ARHGAP15: variants seen among roughly 807,000 people sequenced by gnomAD.
ARHGAP15 encodes rho GTPase-activating protein 15.
ARHGAP15 carries 51 observed loss-of-function variants against 63.7 expected under a neutral mutation model. The ratio of observed to expected loss-of-function variants is 0.80; its 90% CI spans 0.64 to 1.01. The LOEUF (loss-of-function observed/expected upper bound fraction) is 1.01. Ranked by LOEUF, ARHGAP15 falls within the 50% of genes least tolerant of loss-of-function variation. ARHGAP15 has a pLI of 0.00. For synonymous variants in ARHGAP15, 191 were observed against 193.8 expected, an observed-to-expected ratio of 0.99 and a Z score of 0.12; for missense variants, 560 against 564.6, an observed-to-expected ratio of 0.99 and a Z score of 0.08.
rs545087001 is a variant in ARHGAP15 at position 143,291,469 on chromosome 2, G to A, written c.474+40869G>A. Among the ~76,000 whole-genome samples, 11 of 148,812 alleles carry A rather than the reference G, an allele frequency of 7.4e-5. 1 individual carries two copies. In the South Asian group the frequency reaches 2.4e-3, roughly 32 times the overall value. ...TTGTGTGTGTTCTAATGCTTGCTAA[G>A]TGTTATGCCATAAAAGCAAAGCATA... On this transcript the variant is annotated intron_variant, in intron 6 of 13. Transcript: ENST00000295095.
At chr2:143,714,809 T>A (rs1684735830) in intron 13 of ARHGAP15, among the ~76,000 whole-genome samples, 1 of 152,232 alleles carries the variant, frequency 6.6e-6, no homozygotes, top group African/African-American at 2.4e-5. Context: ...CTCATCTCCA[T>A]CTGAGACCAC....
At chr2:143,257,547 T>C (rs923409599) in intron 6 of ARHGAP15, among the ~76,000 whole-genome samples, 1 of 152,104 alleles carries the variant, frequency 6.6e-6, no homozygotes, top group African/African-American at 2.4e-5. Flanking sequence ...TGGGTTTTAG[T>C]CTGACACCAG....
At chr2:143,163,187 A>G (rs1288868147) in intron 2 of ARHGAP15, among the ~76,000 whole-genome samples, 1 of 152,000 alleles carries the variant, frequency 6.6e-6, no homozygotes, top group Non-Finnish European at 1.5e-5. Context: ...GAACTGAAGC[A>G]GGTTGAGAAA....
In ARHGAP15 at chr2:143,430,929, C is replaced by A. The variant is rs116317421; in HGVS notation, c.475-4672C>A. Reference sequence around the variant, plus strand: ...TTCAGTTTCACTAAAATGGAATAATCCCTCCTTAGGTTCTAATCAAAATGC... The same window carrying A: ...TTCAGTTTCACTAAAATGGAATAATACCTCCTTAGGTTCTAATCAAAATGC... On this transcript the variant is annotated intron_variant, in intron 6 of 13. Transcript: ENST00000295095. 2.8e-3 allele frequency among the ~76,000 whole-genome samples: 431 copies of A among 152,038 alleles called. 3 individuals carry two copies. Among genetic ancestry groups the A allele is most frequent in the African/African-American group, 9.6e-3 (400 of 41,500 alleles).
intron 6 of ARHGAP15, among the ~76,000 whole-genome samples, chr2:143,431,176 A>G (rs1359985832): frequency 3.3e-5 from 5 of 152,080 alleles, no homozygotes; most frequent in African/African-American, 1.2e-4. Flanking sequence ...TGCTATTCCA[A>G]ATTTCATAAC....
At chr2:143,693,549 G>C (rs901617869) in intron 12 of ARHGAP15, among the ~76,000 whole-genome samples, 1 of 152,114 alleles carries the variant, frequency 6.6e-6, no homozygotes, top group African/African-American at 2.4e-5. Context: ...TTAAAAGGGA[G>C]GATTTGTTCA....
chr2:143,171,425 G>A (rs759917943), intron 2 of ARHGAP15, among the ~76,000 whole-genome samples: 6 of 152,068 alleles, frequency 3.9e-5, no homozygotes, highest in Non-Finnish European at 7.4e-5. Context: ...CAGGAAGAGT[G>A]GGGGACTGGC....
chr2:143,153,365 T>C (rs943256627), intron 1 of ARHGAP15, among the ~76,000 whole-genome samples: 14 of 151,940 alleles, frequency 9.2e-5, no homozygotes, highest in African/African-American at 3.4e-4. Context: ...TCTTAATACA[T>C]ACTTCAAATT....
chr2:143,380,976 G>A (rs921864500), intron 6 of ARHGAP15, among the ~76,000 whole-genome samples: 1 of 152,172 alleles, frequency 6.6e-6, no homozygotes, highest in African/African-American at 2.4e-5. Flanking sequence ...TGTTAGTTAA[G>A]CGAAGCTGTA....
intron 6 of ARHGAP15, among the ~76,000 whole-genome samples, chr2:143,379,775 TTAAG>T (rs1406717912): frequency 2.0e-5 from 3 of 151,660 alleles, no homozygotes; most frequent in Admixed American, 2.0e-4. Flanking sequence ...ACTTCAAAAT[TTAAG>T]TAGGAAAAAT....
At chr2:143,320,612 G>T (rs1048202122) in intron 6 of ARHGAP15, among the ~76,000 whole-genome samples, 2 of 152,066 alleles carry the variant, frequency 1.3e-5, no homozygotes, top group East Asian at 3.9e-4. Flanking sequence ...ATTCAGGGAT[G>T]AATCAACAAG....
At chr2:143,184,962 C>T (rs1691384848) in intron 2 of ARHGAP15, among the ~76,000 whole-genome samples, 1 of 151,906 alleles carries the variant, frequency 6.6e-6, no homozygotes, top group Admixed American at 6.6e-5. Flanking sequence ...GGAATACAGG[C>T]TCAGCCAACA....
chr2:143,702,497 A>G (rs1279958248), intron 12 of ARHGAP15, among the ~76,000 whole-genome samples: 1 of 152,180 alleles, frequency 6.6e-6, no homozygotes, highest in Non-Finnish European at 1.5e-5. Flanking sequence ...TTTTTAAAAC[A>G]ATTTTCCCTT....
intron 10 of ARHGAP15, 78 bp downstream of exon 10, chr2:143,519,442 C>A (rs1693967850): frequency 9.0e-7 from 1 of 1,111,732 alleles, no homozygotes; most frequent in Admixed American, 2.0e-5. Flanking sequence ...GCAGTGCCAC[C>A]TGATTTGTCT....
At chr2:143,766,372 T>C (rs1327195265) in intron 13 of ARHGAP15, among the ~76,000 whole-genome samples, 1 of 152,086 alleles carries the variant, frequency 6.6e-6, no homozygotes. Flanking sequence ...ATTCAGAGAG[T>C]AGCCTTCCTA....
chr2:143,151,021 C>A (rs984104780), intron 1 of ARHGAP15, among the ~76,000 whole-genome samples: 1 of 151,928 alleles, frequency 6.6e-6, no homozygotes, highest in Non-Finnish European at 1.5e-5. Flanking sequence ...ATGGGTGGAA[C>A]AACAGAATAT....
chr2:143,535,569 A>C (rs546127797), intron 10 of ARHGAP15, among the ~76,000 whole-genome samples: 26 of 152,222 alleles, frequency 1.7e-4, no homozygotes, highest in Non-Finnish European at 3.1e-4. Context: ...CTGCAAAAGT[A>C]GCCTCTATAA....
chr2:143,253,053 A>G (rs546343051), intron 6 of ARHGAP15, among the ~76,000 whole-genome samples: 1 of 152,202 alleles, frequency 6.6e-6, no homozygotes, highest in East Asian at 1.9e-4. Flanking sequence ...CTACATTGGA[A>G]ATAGCTTTAG....
chr2:143,566,518 A>G (rs1696230388), intron 11 of ARHGAP15, among the ~76,000 whole-genome samples: 1 of 152,098 alleles, frequency 6.6e-6, no homozygotes, highest in African/African-American at 2.4e-5. Context: ...TGATGGGTTC[A>G]ATGTGAATTA....
Sources: gnomAD v4.1 joint callset for allele counts (sites outside exome capture counted in the v4.1 genomes callset) on GRCh38, gnomAD v4.1.1 for gene constraint, MANE v1.5 for transcripts, NCBI Gene and HGNC (gene_info 2026-07-23, HGNC 2026-07-21) for gene names.